Variants in PREX1 observed in about 807,000 individuals in gnomAD.
PREX1 encodes the protein phosphatidylinositol-3,4,5-trisphosphate dependent Rac exchange factor 1.
In PREX1, 41 loss-of-function variants were observed where a neutral mutation model predicts 198.3. The ratio of observed to expected loss-of-function variants is 0.21; its 90% confidence interval spans 0.16 to 0.27. The LOEUF (loss-of-function observed/expected upper bound fraction) is 0.27. Ranked by LOEUF, PREX1 falls within the 10% of genes least tolerant of loss-of-function variation. PREX1 has a pLI of 1.00. For synonymous variants in PREX1, 843 were observed against 887.2 expected (o/e 0.95, Z 0.89); for missense variants, 1,620 against 2,200.7 (o/e 0.74, Z 5.28).
rs1555845889 is a variant in PREX1 at position 48,792,853 on chromosome 20, C to CATAT, written c.219+34788_219+34789insATAT. Among the ~76,000 whole-genome samples the CATAT allele has an allele frequency of 9.9e-3, 1,433 of 145,336 alleles. 28 individuals carry two copies. Among genetic ancestry groups the CATAT allele is most frequent in the African/African-American group, 0.036 (1,362 of 38,076 alleles). On this transcript the variant is annotated intron_variant, in intron 1 of 39. Coordinates refer to ENST00000371941, the MANE Select transcript of PREX1 (RefSeq NM_020820.4). ...ACACACACACACACACACACACACA[C>CATAT]ATAGTATGATTCCATTTATATCCAT...
At chr20:48,638,166 A>G (rs908660832) in intron 30 of PREX1, among the ~76,000 whole-genome samples, 1 of 149,976 alleles carries the variant, frequency 6.7e-6, no homozygotes, top group Non-Finnish European at 1.5e-5. Flanking sequence ...ACACACATAT[A>G]CTCATACGTA....
At chr20:48,646,952 G>A (rs1280908504) in intron 25 of PREX1, among the ~76,000 whole-genome samples, 1 of 152,192 alleles carries the variant, frequency 6.6e-6, no homozygotes, top group Non-Finnish European at 1.5e-5. Context: ...GTTAAAATGT[G>A]TAAACAGGCT....
chr20:48,731,114 T>C (rs2090033070), intron 4 of PREX1, among the ~76,000 whole-genome samples: 1 of 152,232 alleles, frequency 6.6e-6, no homozygotes, highest in South Asian at 2.1e-4. Context: ...TTTCCTCTTA[T>C]GGCCTTCACT....
At chr20:48,699,054 G>A (rs369185245) in intron 7 of PREX1, among the ~76,000 whole-genome samples, 75 of 152,300 alleles carry the variant, frequency 4.9e-4, no homozygotes, top group African/African-American at 1.8e-3. Context: ...AAGGCTCAGG[G>A]AGGCCCTCTA....
At chr20:48,745,953 G>A (rs1057209457) in intron 2 of PREX1, among the ~76,000 whole-genome samples, 1 of 152,114 alleles carries the variant, frequency 6.6e-6, no homozygotes, top group Non-Finnish European at 1.5e-5. Context: ...CCCGCAATGA[G>A]CAATTATTAT....
the PREX1 span, among the ~76,000 whole-genome samples, chr20:48,887,544 C>T: frequency 4.6e-5 from 7 of 152,256 alleles, no homozygotes; most frequent in Admixed American, 2.0e-4. Flanking sequence ...AGCTTGAGCC[C>T]GGGAAGCAGA....
At chr20:48,700,936 C>T (rs1235145274) in intron 6 of PREX1, 50 bp from the exon 7 acceptor site, 4 of 1,610,118 alleles carry the variant, frequency 2.5e-6, no homozygotes, top group Admixed American at 1.7e-5. Flanking sequence ...GGAACATCCC[C>T]TTCCTTTCCC....
intron 10 of PREX1, among the ~76,000 whole-genome samples, chr20:48,686,355 T>C (rs2089784494): frequency 6.6e-6 from 1 of 152,122 alleles, no homozygotes; most frequent in Admixed American, 6.5e-5. Flanking sequence ...GAAGAGTTTA[T>C]CAGAATAATC....
intron 1 of PREX1, among the ~76,000 whole-genome samples, chr20:48,755,562 T>G (rs987243589): frequency 6.6e-5 from 10 of 152,164 alleles, no homozygotes; most frequent in African/African-American, 2.4e-4. Context: ...TCCTACTGAT[T>G]GGATTGCAAA....
Position 48,651,523 on chromosome 20 carries a change from G to A in PREX1, c.2528C>T (p.Thr843Ile), listed in dbSNP as rs1431437215. Residue 843 changes from threonine to isoleucine, a missense_variant, in exon 22 of 40, where the codon ACC (threonine) becomes ATC (isoleucine). Coordinates refer to ENST00000371941, the MANE Select transcript of PREX1 (RefSeq NM_020820.4). ...LSLCEDSPMV[T>I]LTVDNVHLEH... is the part of the protein sequence containing the mutation. ...CAGGTGCACGTTGTCCACAGTCAGGGTGACCATGGGGCTGTCCTCACACAG... is the reference window on the plus strand; with the variant it reads ...CAGGTGCACGTTGTCCACAGTCAGGATGACCATGGGGCTGTCCTCACACAG... 3 of 1,614,094 alleles carry A rather than the reference G, an allele frequency of 1.9e-6. No homozygotes were observed. Among genetic ancestry groups the A allele is most frequent in the Non-Finnish European group, 2.5e-6 (3 of 1,180,048 alleles).
chr20:48,769,082 G>A (rs909334759), intron 1 of PREX1, among the ~76,000 whole-genome samples: 11 of 152,266 alleles, frequency 7.2e-5, no homozygotes, highest in African/African-American at 2.6e-4. Flanking sequence ...GGCAGAGCCA[G>A]ACCCCATTCC....
intron 1 of PREX1, among the ~76,000 whole-genome samples, chr20:48,790,214 T>C (rs1260111817): frequency 6.6e-6 from 1 of 152,212 alleles, no homozygotes; most frequent in African/African-American, 2.4e-5. Context: ...AGTTAATGAA[T>C]GCAGAATGCT....
chr20:48,641,843 GAA>G (rs2089414129), intron 29 of PREX1, among the ~76,000 whole-genome samples: 23 of 7,384 alleles, frequency 3.1e-3, no homozygotes, highest in Admixed American at 1.6e-3. Context: ...AGAGAGAGAG[GAA>G]GGAAGGAAGG....
intron 29 of PREX1, among the ~76,000 whole-genome samples, chr20:48,641,589 C>T (rs1229032216): frequency 6.6e-6 from 1 of 151,734 alleles, no homozygotes; most frequent in Non-Finnish European, 1.5e-5. Flanking sequence ...GAGTTCAAAA[C>T]CAGCCATGGC....
chr20:48,668,638 AGGCCTGGGGCAGAGCCTCT>A (rs2089655676), intron 14 of PREX1, among the ~76,000 whole-genome samples: 2 of 152,194 alleles, frequency 1.3e-5, no homozygotes, highest in Admixed American at 6.5e-5. Flanking sequence ...CCTGGGCAGA[AGGCCTGGGGCAGAGCCTCT>A]GGCCTTGGCA....
At chr20:48,883,390 C>T in the PREX1 span, among the ~76,000 whole-genome samples, 4 of 152,060 alleles carry the variant, frequency 2.6e-5, no homozygotes, top group Non-Finnish European at 5.9e-5. Flanking sequence ...TTGTACTGGA[C>T]ATTCTAGCCA....
At chr20:48,830,016 C>T (rs1179504859), upstream of PREX1, among the ~76,000 whole-genome samples, 2 of 152,032 alleles carry the variant, frequency 1.3e-5, no homozygotes, top group African/African-American at 2.4e-5. Context: ...GACATTTAGC[C>T]GCGTCCCCTA....
At chr20:48,832,556 C>T (rs1253100127), upstream of PREX1, among the ~76,000 whole-genome samples, 1 of 152,204 alleles carries the variant, frequency 6.6e-6, no homozygotes, top group Non-Finnish European at 1.5e-5. Flanking sequence ...GGCTGTTCCT[C>T]ATTCTGAGAA....
At chr20:48,876,117 C>G in the PREX1 span, among the ~76,000 whole-genome samples, 1 of 152,168 alleles carries the variant, frequency 6.6e-6, no homozygotes, top group African/African-American at 2.4e-5. Flanking sequence ...TCTCCCTCCA[C>G]ACAAACACAC....
Sources: allele counts gnomAD v4.1 joint callset (sites outside exome capture counted in the v4.1 genomes callset), GRCh38; gene constraint gnomAD v4.1.1; transcripts MANE v1.5; gene names NCBI Gene and HGNC (gene_info 2026-07-23, HGNC 2026-07-21).